The following GPC5 variants were observed in gnomAD, a reference collection of about 807,000 sequenced individuals.
The protein encoded by GPC5 is glypican 5, also known as glypican-5.
Under a neutral mutation model 53.9 loss-of-function variants are expected in GPC5, and 47 were observed. The ratio of observed to expected loss-of-function variants is 0.87; its 90% CI spans 0.69 to 1.11. The LOEUF is 1.11. Among genes scored for constraint, GPC5 ranks in the 50% most tolerant of loss-of-function variants. The probability of loss-of-function intolerance (pLI) is 0.00; values close to 1 mark genes in which losing one functional copy is unlikely to be tolerated. For missense variants in GPC5, 748 were observed against 713.1 expected (o/e 1.05, Z -0.56); for synonymous variants, 286 against 263.3 (o/e 1.09, Z -0.84).
At chr13:92,365,454 C>T (rs1007584853) in intron 7 of GPC5, among the ~76,000 whole-genome samples, 1 of 151,560 alleles carries the variant, frequency 6.6e-6, no homozygotes, top group South Asian at 2.1e-4. Flanking sequence ...CTACACTAGA[C>T]TTTTAAAATA....
intron 7 of GPC5, among the ~76,000 whole-genome samples, chr13:92,200,198 C>T (rs1166250105): frequency 1.3e-5 from 2 of 151,820 alleles, no homozygotes; most frequent in Admixed American, 6.6e-5. Context: ...ATTTTTCTCA[C>T]GTTTTCTTTT....
intron 7 of GPC5, among the ~76,000 whole-genome samples, chr13:92,595,980 CTT>C (rs1883867163): frequency 6.6e-6 from 1 of 151,568 alleles, no homozygotes; most frequent in African/African-American, 2.4e-5. Context: ...ATCTAGTTCA[CTT>C]GTTTGTCACT....
chr13:91,986,812 C>A (rs899835456), intron 6 of GPC5, among the ~76,000 whole-genome samples: 1 of 151,898 alleles, frequency 6.6e-6, no homozygotes, highest in Non-Finnish European at 1.5e-5. Context: ...ATGGACATAG[C>A]CTTCATGGTA....
chr13:92,712,826 G>C (rs1276464694), intron 7 of GPC5, among the ~76,000 whole-genome samples: 1 of 152,170 alleles, frequency 6.6e-6, no homozygotes, highest in Non-Finnish European at 1.5e-5. Flanking sequence ...AATCCAATAT[G>C]ACTGGTGTCC....
chr13:91,853,066 T>C (rs556737515), intron 5 of GPC5, among the ~76,000 whole-genome samples: 21 of 152,134 alleles, frequency 1.4e-4, no homozygotes, highest in Non-Finnish European at 2.8e-4. Flanking sequence ...ACAGTTTTCA[T>C]CCTTGTATAC....
chr13:92,759,060 G>C (rs1166337670), intron 7 of GPC5, among the ~76,000 whole-genome samples: 1 of 107,774 alleles, frequency 9.3e-6, no homozygotes, highest in Non-Finnish European at 1.7e-5. Context: ...ATGTATGTTT[G>C]GACTATTTCC....
intron 7 of GPC5, among the ~76,000 whole-genome samples, chr13:92,825,124 T>C (rs1005827608): frequency 8.5e-5 from 13 of 152,148 alleles, no homozygotes; most frequent in African/African-American, 1.2e-4. Context: ...TGATCAAATA[T>C]ACATTGCCCT....
intron 7 of GPC5, among the ~76,000 whole-genome samples, chr13:92,639,067 T>G (rs903438304): frequency 1.3e-5 from 2 of 152,228 alleles, no homozygotes; most frequent in Non-Finnish European, 2.9e-5. Flanking sequence ...CATAGCTCAC[T>G]GTCTTTTACA....
intron 2 of GPC5, among the ~76,000 whole-genome samples, chr13:91,553,968 T>C (rs1279087342): frequency 3.9e-5 from 6 of 152,098 alleles, no homozygotes; most frequent in Non-Finnish European, 7.4e-5. Flanking sequence ...GAAACTTTAT[T>C]TAAATGAAGT....
chr13:92,573,186 G>A (rs2139043308), intron 7 of GPC5, among the ~76,000 whole-genome samples: 1 of 152,204 alleles, frequency 6.6e-6, no homozygotes, highest in African/African-American at 2.4e-5. Context: ...TAAAGATCGT[G>A]GCTACTGGTC....
chr13:92,854,538 G>A (rs1228194172), intron 7 of GPC5, among the ~76,000 whole-genome samples: 15 of 151,696 alleles, frequency 9.9e-5, no homozygotes, highest in Non-Finnish European at 1.5e-5. Context: ...ACTGGAAAAT[G>A]TGATTACATA....
chr13:92,260,883 A>C (rs996436347), intron 7 of GPC5, among the ~76,000 whole-genome samples: 3 of 152,180 alleles, frequency 2.0e-5, no homozygotes, highest in Non-Finnish European at 2.9e-5. Context: ...AGACATTTAT[A>C]TTTAGTTTGC....
At chr13:92,032,815 G>A (rs1051336900) in intron 6 of GPC5, among the ~76,000 whole-genome samples, 1 of 152,146 alleles carries the variant, frequency 6.6e-6, no homozygotes, top group Non-Finnish European at 1.5e-5. Flanking sequence ...GCTTCAGGAT[G>A]CATGATTTCT....
At chr13:91,762,600 T>C (rs78273673) in intron 5 of GPC5, among the ~76,000 whole-genome samples, 1 of 147,748 alleles carries the variant, frequency 6.8e-6, no homozygotes, top group Non-Finnish European at 1.5e-5. Flanking sequence ...TTTTTTTTTT[T>C]CCTGGCAAAT....
At chr13:92,363,465 A>G (rs1297140742) in intron 7 of GPC5, among the ~76,000 whole-genome samples, 2 of 151,734 alleles carry the variant, frequency 1.3e-5, no homozygotes, top group East Asian at 3.9e-4. Flanking sequence ...TTAGATTCTC[A>G]TAAGGAGTAC....
intron 7 of GPC5, among the ~76,000 whole-genome samples, chr13:92,472,430 G>A (rs922628329): frequency 1.3e-4 from 19 of 151,992 alleles, no homozygotes; most frequent in Admixed American, 2.0e-4. Context: ...GTTAGCTCAC[G>A]TGCAATGTTT....
chr13:91,671,839 A>G (rs1367732422), intron 2 of GPC5, among the ~76,000 whole-genome samples: 1 of 151,604 alleles, frequency 6.6e-6, no homozygotes, highest in African/African-American at 2.4e-5. Context: ...CAGACTTCAA[A>G]CTATAGTGCA....
chr13:92,426,854 ATC>A (rs1876858689), intron 7 of GPC5, among the ~76,000 whole-genome samples: 1 of 152,046 alleles, frequency 6.6e-6, no homozygotes, highest in Non-Finnish European at 1.5e-5. Context: ...CAATAGATTT[ATC>A]TACTTAACTG....
intron 2 of GPC5, among the ~76,000 whole-genome samples, chr13:91,567,488 C>T (rs551866599): frequency 1.3e-5 from 2 of 152,248 alleles, no homozygotes; most frequent in South Asian, 4.2e-4. Context: ...TACACTGAAT[C>T]AGGGCAGCCC....
Sources: allele counts gnomAD v4.1 joint callset (sites outside exome capture counted in the v4.1 genomes callset), GRCh38; gene constraint gnomAD v4.1.1; transcripts MANE v1.5; gene names NCBI Gene and HGNC (gene_info 2026-07-23, HGNC 2026-07-21).